The following DDX4 variants were observed in gnomAD, a reference collection of about 807,000 sequenced individuals.
DDX4 encodes probable ATP-dependent RNA helicase DDX4.
A neutral mutation model predicts 100.0 loss-of-function variants in DDX4; 25 were observed. That is an observed-to-expected ratio of 0.25 (90% CI 0.18 to 0.35). The LOEUF (loss-of-function observed/expected upper bound fraction) is 0.35, where lower values mean the gene tolerates loss of function less well. Ranked by LOEUF, DDX4 falls within the 10% of genes least tolerant of loss-of-function variation. The pLI is 1.00. For missense variants in DDX4, 635 were observed against 882.4 expected (o/e 0.72, Z 3.55); for synonymous variants, 259 against 275.7 (o/e 0.94, Z 0.60).
chr5:55,807,924 C>T (rs946226103), intron 18 of DDX4, among the ~76,000 whole-genome samples: 5 of 152,188 alleles, frequency 3.3e-5, no homozygotes, highest in African/African-American at 1.2e-4. Context: ...TTCCAACTTT[C>T]TTCCATTCTC....
rs145976962 is a variant in DDX4, at chr5:55,792,617, T to C, written c.1303-24T>C. ...TATAAACTAATATGCATTTTCTGTT[T>C]TACCTTTGAAAATATCCTTAAAGAT... On this transcript the variant is annotated intron_variant, in intron 16 of 21. Transcript: ENST00000505374. 2.5e-5 allele frequency: 34 copies of C among 1,337,208 alleles called. No homozygotes were observed. In the African/African-American group the frequency reaches 3.9e-4, roughly 15 times the overall value. 82.8% of individuals were successfully genotyped at this position (1,337,208 alleles called of 1,614,324 possible).
chr5:55,749,293 GT>G (rs1257249126), intron 3 of DDX4, among the ~76,000 whole-genome samples: 1 of 152,104 alleles, frequency 6.6e-6, no homozygotes, highest in East Asian at 1.9e-4. Flanking sequence ...TTAGCTGGGC[GT>G]GGTGATGTGC....
intron 18 of DDX4, among the ~76,000 whole-genome samples, chr5:55,806,080 C>A (rs1355516819): frequency 6.6e-6 from 1 of 152,144 alleles, no homozygotes. Flanking sequence ...TGAATTTATC[C>A]ATTTCTTCTA....
intron 18 of DDX4, among the ~76,000 whole-genome samples, chr5:55,804,684 C>G (rs895386698): frequency 1.3e-5 from 2 of 151,986 alleles, no homozygotes; most frequent in Non-Finnish European, 2.9e-5. Flanking sequence ...TGATCTATAT[C>G]TCTGTTTTGG....
chr5:55,751,855 C>G (rs540976151), intron 3 of DDX4, among the ~76,000 whole-genome samples: 2 of 152,116 alleles, frequency 1.3e-5, no homozygotes, highest in African/African-American at 4.8e-5. Context: ...AAATTCTTCA[C>G]CATCTCTGTC....
chr5:55,796,645 G>C (rs942705507), intron 17 of DDX4, among the ~76,000 whole-genome samples: 2 of 151,988 alleles, frequency 1.3e-5, no homozygotes, highest in Non-Finnish European at 2.9e-5. Context: ...GTCTACTAGA[G>C]CTATTTCCTC....
At chr5:55,805,903 C>T (rs190469534) in intron 18 of DDX4, among the ~76,000 whole-genome samples, 2 of 152,244 alleles carry the variant, frequency 1.3e-5, no homozygotes, top group East Asian at 3.9e-4. Flanking sequence ...GGAATGGTAC[C>T]AGCTCCTCCT....
intron 10 of DDX4, among the ~76,000 whole-genome samples, chr5:55,783,759 C>A (rs1742075037): frequency 6.6e-6 from 1 of 151,410 alleles, no homozygotes; most frequent in Non-Finnish European, 1.5e-5. Context: ...CTGAGAAAGT[C>A]CTATGATAGG....
chr5:55,801,652 T>C (rs756748320), intron 18 of DDX4, among the ~76,000 whole-genome samples: 12 of 152,182 alleles, frequency 7.9e-5, no homozygotes, highest in African/African-American at 1.4e-4. Flanking sequence ...TTTGGTCTTA[T>C]GTTTGGCTTG....
chr5:55,761,593 A>T (rs560062999), intron 4 of DDX4, among the ~76,000 whole-genome samples: 1 of 150,812 alleles, frequency 6.6e-6, no homozygotes, highest in African/African-American at 2.4e-5. Context: ...CTAACATTTT[A>T]TATAGTTTCC....
rs1744457407 is a variant in DDX4, at chr5:55,817,021, C to T, written c.*481C>T. On this transcript the variant is annotated 3_prime_UTR_variant, in exon 22 of 22. Coordinates refer to ENST00000505374, the MANE Select transcript of DDX4 (RefSeq NM_024415.3). ...TTCAAAGTGATTTTGATTTTTAGAT[C>T]ATCAGATGTATGATGAAAATGGTTA... 1 of 152,646 alleles carries T rather than the reference C, an allele frequency of 6.6e-6. No homozygotes were observed. Among genetic ancestry groups the T allele is most frequent in the African/African-American group, 2.4e-5 (1 of 41,422 alleles). 9.5% of individuals were successfully genotyped at this position (152,646 alleles called of 1,614,324 possible).
intron 3 of DDX4, among the ~76,000 whole-genome samples, chr5:55,757,621 C>T (rs1760019619): frequency 6.6e-6 from 1 of 151,996 alleles, no homozygotes; most frequent in African/African-American, 2.4e-5. Context: ...GGTAGGATTC[C>T]CAAGAATAAT....
At chr5:55,747,981 C>T (rs1301737511) in intron 3 of DDX4, among the ~76,000 whole-genome samples, 1 of 152,156 alleles carries the variant, frequency 6.6e-6, no homozygotes, top group African/African-American at 2.4e-5. Flanking sequence ...GTGGAAAACA[C>T]CCATGGTGAG....
chr5:55,757,888 T>TA (rs1760038034), intron 3 of DDX4, among the ~76,000 whole-genome samples: 1 of 151,852 alleles, frequency 6.6e-6, no homozygotes, highest in African/African-American at 2.4e-5. Flanking sequence ...TACAAAAAAA[T>TA]AAAAAAATTA....
At chr5:55,783,614 C>G (rs1478375965) in intron 10 of DDX4, among the ~76,000 whole-genome samples, 1 of 150,676 alleles carries the variant, frequency 6.6e-6, no homozygotes, top group Non-Finnish European at 1.5e-5. Flanking sequence ...CAAAGACAGA[C>G]CAAAAGGAAG....
In DDX4 at chr5:55,781,153, A is replaced by G; in HGVS notation, c.577+7A>G. 6.2e-7 allele frequency: 1 copy of G among 1,602,328 alleles called. No homozygotes were observed. On this transcript the variant is annotated splice_region_variant and intron_variant, in intron 9 of 21. Transcript: ENST00000505374. Reference sequence around the variant, plus strand: ...CCAGTATTAAGTGGCACAGGTGAGAAATAGAACTTATTACTGAATATTAGT... The same window carrying G: ...CCAGTATTAAGTGGCACAGGTGAGAGATAGAACTTATTACTGAATATTAGT...
intron 15 of DDX4, among the ~76,000 whole-genome samples, chr5:55,790,371 C>A (rs1353011059): frequency 1.3e-5 from 2 of 152,108 alleles, no homozygotes; most frequent in Admixed American, 1.3e-4. Flanking sequence ...GTCTCAAACT[C>A]CTGACCTCAG....
chr5:55,787,769 A>G (rs1203110467), intron 14 of DDX4, 77 bp from the exon 15 acceptor site: 1 of 1,488,536 alleles, frequency 6.7e-7, no homozygotes, highest in Non-Finnish European at 9.0e-7. Context: ...AAAGGCTATA[A>G]GGACATGAGG....
intron 18 of DDX4, among the ~76,000 whole-genome samples, chr5:55,810,916 G>A (rs1419945002): frequency 1.3e-5 from 2 of 152,052 alleles, no homozygotes; most frequent in African/African-American, 4.8e-5. Flanking sequence ...AAAACATTTA[G>A]AAGTAAACAT....
Sources: allele counts gnomAD v4.1 joint callset (sites outside exome capture counted in the v4.1 genomes callset), GRCh38; gene constraint gnomAD v4.1.1; transcripts MANE v1.5; gene names NCBI Gene and HGNC (gene_info 2026-07-23, HGNC 2026-07-21).